SNX25: variants seen among roughly 807,000 people sequenced by gnomAD.
SNX25 encodes the protein sorting nexin-25.
A neutral mutation model predicts 113.7 loss-of-function variants in SNX25; 62 were observed. That is an observed-to-expected ratio of 0.55 (90% CI 0.44 to 0.67). The LOEUF (loss-of-function observed/expected upper bound fraction) is 0.67, where lower values mean the gene tolerates loss of function less well. Among genes scored for constraint, SNX25 ranks in the 30% least tolerant of loss-of-function variants. The pLI, the probability that SNX25 is intolerant of heterozygous loss-of-function variation, is 0.00. For missense variants in SNX25, 1,014 were observed against 1,161.0 expected (o/e 0.87, Z 1.84); for synonymous variants, 421 against 436.2 (o/e 0.97, Z 0.43).
intron 13 of SNX25, 75 bp downstream of exon 13, chr4:185,346,725 C>T (rs953411929): frequency 2.1e-6 from 2 of 952,728 alleles, no homozygotes; most frequent in Admixed American, 6.0e-5. Flanking sequence ...ATTCTACGAG[C>T]TTGGTAGTTT....
chr4:185,325,406 G>A (rs369036798), intron 9 of SNX25, among the ~76,000 whole-genome samples: 12 of 151,984 alleles, frequency 7.9e-5, no homozygotes, highest in South Asian at 6.2e-4. Context: ...GATAGCATGC[G>A]CCTGTAGTCC....
chr4:185,322,891 T>C (rs2095131161), intron 8 of SNX25, among the ~76,000 whole-genome samples: 1 of 152,254 alleles, frequency 6.6e-6, no homozygotes, highest in African/African-American at 2.4e-5. Context: ...GCCTTTGCTC[T>C]TTACTATTGT....
rs1343291807 is a variant in SNX25 at position 185,351,545 on chromosome 4, A to G, written c.2402A>G (p.Lys801Arg). 6.2e-7 allele frequency: 1 copy of G among 1,613,998 alleles called. No individual in the cohort carries two copies. Among genetic ancestry groups the G allele is most frequent in the East Asian group, 2.2e-5 (1 of 44,884 alleles). ...YLKVIDVQGK[K>R]NSFSLSSFLE... ...AAGGTTATCGACGTGCAGGGGAAAA[A>G]AAATTCTTTTTCATTATCCTCATTT... The change falls in exon 14 of 19, where the codon AAA (lysine) becomes AGA (arginine). Residue 801 changes from lysine to arginine, a missense_variant. Physicochemically the swap from Lys to Arg is conservative, Grantham distance 26. Transcript: ENST00000652585.
chr4:185,215,701 G>A (rs1738699416), intron 1 of SNX25, among the ~76,000 whole-genome samples: 3 of 152,108 alleles, frequency 2.0e-5, no homozygotes, highest in Admixed American at 1.3e-4. Flanking sequence ...TTTCAGTCAT[G>A]GTGGCCACTG....
chr4:185,268,818 G>A (rs1233109630), intron 5 of SNX25, among the ~76,000 whole-genome samples: 6 of 152,096 alleles, frequency 3.9e-5, no homozygotes, highest in Non-Finnish European at 7.4e-5. Flanking sequence ...CATAATGACA[G>A]CTTCAATTTA....
At chr4:185,316,468 T>G (rs1271609306) in intron 7 of SNX25, among the ~76,000 whole-genome samples, 1 of 152,202 alleles carries the variant, frequency 6.6e-6, no homozygotes, top group Non-Finnish European at 1.5e-5. Flanking sequence ...CTTCCTATCT[T>G]GCTTTGTTTT....
At chr4:185,329,701 G>C (rs1005044575) in intron 9 of SNX25, among the ~76,000 whole-genome samples, 1 of 151,834 alleles carries the variant, frequency 6.6e-6, no homozygotes, top group Non-Finnish European at 1.5e-5. Flanking sequence ...GAGAGAGAGA[G>C]AAGAGAGGAT....
chr4:185,220,833 G>A (rs955968618), intron 1 of SNX25, among the ~76,000 whole-genome samples: 1 of 151,934 alleles, frequency 6.6e-6, no homozygotes, highest in Non-Finnish European at 1.5e-5. Context: ...ACTCCATCAA[G>A]TCCTGTCCTT....
chr4:185,292,320 G>A (rs898466247), intron 6 of SNX25, among the ~76,000 whole-genome samples: 1 of 152,170 alleles, frequency 6.6e-6, no homozygotes, highest in African/African-American at 2.4e-5. Flanking sequence ...TTGGCTGAGT[G>A]TAGTGACTCT....
chr4:185,349,706 T>A (rs1561043952), intron 13 of SNX25, among the ~76,000 whole-genome samples: 1 of 152,348 alleles, frequency 6.6e-6, no homozygotes, highest in East Asian at 1.9e-4. Flanking sequence ...TCAAGTCCTT[T>A]GCCCACTTTT....
intron 6 of SNX25, among the ~76,000 whole-genome samples, chr4:185,293,191 T>C (rs985512878): frequency 3.3e-5 from 5 of 152,194 alleles, no homozygotes; most frequent in African/African-American, 7.2e-5. Context: ...ACCTTATACA[T>C]TGCTGTTGGA....
intron 17 of SNX25, chr4:185,362,310 T>C: frequency 1.0e-6 from 1 of 985,400 alleles, no homozygotes; most frequent in Non-Finnish European, 1.2e-6. Flanking sequence ...GAACAGATAA[T>C]AAACTTTGTG....
intron 1 of SNX25, among the ~76,000 whole-genome samples, chr4:185,237,444 C>T (rs1166600278): frequency 6.6e-6 from 1 of 152,188 alleles, no homozygotes; most frequent in African/African-American, 2.4e-5. Flanking sequence ...CTCTGTTATG[C>T]TGTGTCTTAC....
chr4:185,346,652 T>G lies in SNX25; in HGVS notation c.2301+2T>G. On this transcript the variant is annotated splice_donor_variant, in intron 13 of 18. Coordinates refer to ENST00000652585, the MANE Select transcript of SNX25 (RefSeq NM_001378034.2). LOFTEE classifies it high-confidence loss of function. ...AATCAATTAAATAAGTTTTTACAGG[T>G]AAGCAAGTGAAAAATGTGGGATATG... 6.5e-7 allele frequency: 1 copy of G among 1,540,160 alleles called. No individual in the cohort carries two copies. The highest frequency in any genetic ancestry group is 8.8e-7 in the Non-Finnish European group (1 of 1,140,150).
In SNX25 at chr4:185,209,660, G is replaced by C. The variant is rs527386001; in HGVS notation, c.-167G>C. On this transcript the variant is annotated 5_prime_UTR_variant, in exon 1 of 19. Transcript: ENST00000652585. This position sits in a 1 kb window ranked among gnomAD's most constrained non-coding sequence, Gnocchi z 5.2. ...CCGGCAGCTACGGGCCCAGCGCCTG[G>C]TGGCGGCGCTGAGGGGTCGCCGAGA... Among the ~76,000 whole-genome samples, 304 of 151,610 alleles carry C rather than the reference G, an allele frequency of 2.0e-3. 1 individual carries two copies. Among genetic ancestry groups the C allele is most frequent in the African/African-American group, 6.4e-3 (264 of 41,490 alleles).
the SNX25 span, among the ~76,000 whole-genome samples, chr4:185,376,584 G>T: frequency 6.6e-6 from 1 of 151,632 alleles, no homozygotes; most frequent in Admixed American, 6.6e-5. Flanking sequence ...GTGAGCCACC[G>T]CACCCGGCCT....
chr4:185,304,370 T>G (rs1754147984), intron 6 of SNX25, among the ~76,000 whole-genome samples: 3 of 152,152 alleles, frequency 2.0e-5, no homozygotes, highest in South Asian at 4.1e-4. Context: ...CTTATTTTGT[T>G]TTTTTGAGAT....
At chr4:185,252,272 A>C (rs1043030589) in intron 2 of SNX25, among the ~76,000 whole-genome samples, 1 of 152,194 alleles carries the variant, frequency 6.6e-6, no homozygotes, top group Non-Finnish European at 1.5e-5. Context: ...TTTCATCAGC[A>C]TGTAGAAAAT....
intron 5 of SNX25, among the ~76,000 whole-genome samples, chr4:185,283,382 T>C (rs1204021030): frequency 6.6e-6 from 1 of 151,988 alleles, no homozygotes; most frequent in Admixed American, 6.6e-5. Context: ...TAAGGGGAAG[T>C]GATGGTGTGC....
Sources: gnomAD v4.1 joint callset for allele counts (sites outside exome capture counted in the v4.1 genomes callset) on GRCh38, gnomAD v4.1.1 for gene constraint, Gnocchi (gnomAD v3.1) non-coding constraint, MANE v1.5 for transcripts, NCBI Gene and HGNC (gene_info 2026-07-23, HGNC 2026-07-21) for gene names.